The following ERBB3 variants were observed in gnomAD, a reference collection of about 807,000 sequenced individuals.
ERBB3 encodes the protein erb-b2 receptor tyrosine kinase 3.
In ERBB3, 96 loss-of-function variants were observed where a neutral mutation model predicts 156.7. The observed-to-expected ratio is 0.61, with a 90% CI of 0.52 to 0.73. The LOEUF (loss-of-function observed/expected upper bound fraction) is 0.73. Among genes scored for constraint, ERBB3 ranks in the 30% least tolerant of loss-of-function variants. ERBB3 has a pLI of 0.00. For synonymous variants in ERBB3, 567 were observed against 632.0 expected, an observed-to-expected ratio of 0.90 and a Z score of 1.54; for missense variants, 1,406 against 1,709.4, an observed-to-expected ratio of 0.82 and a Z score of 3.13.
chr12:56,098,477 A>T (rs1013119157), intron 21 of ERBB3, 23 bp from the exon 22 acceptor site: 3 of 1,538,830 alleles, frequency 1.9e-6, no homozygotes, highest in Middle Eastern at 1.7e-4. Flanking sequence ...TAAACTTGTG[A>T]TACCTCTATC....
intron 10 of ERBB3, 47 bp downstream of exon 10, chr12:56,092,867 T>C (rs1458438358): frequency 6.4e-7 from 1 of 1,571,182 alleles, no homozygotes. Context: ...GGTGAACCAC[T>C]GGCATAAATT....
chr12:56,082,844 T>G (rs1252549482), intron 1 of ERBB3, among the ~76,000 whole-genome samples: 2 of 152,186 alleles, frequency 1.3e-5, no homozygotes, highest in East Asian at 3.8e-4. Context: ...TTCATGAACC[T>G]CTTCTAACAA....
rs1296350995 is a variant in ERBB3 at position 56,083,898 on chromosome 12, T to C, written c.230T>C (p.Leu77Pro). 1.2e-6 allele frequency: 2 copies of C among 1,614,020 alleles called. No individual in the cohort carries two copies. The highest frequency in any genetic ancestry group is 8.5e-7 in the Non-Finnish European group (1 of 1,179,922). ...LTGHNADLSF[L>P]QWIREVTGYV... ...GGACACAATGCCGACCTCTCCTTCC[T>C]GCAGGTTAGTGAGCCCACCCTCCTT... is the stretch of plus-strand genomic sequence containing the variant. Residue 77 changes from leucine (L) to proline (P), a missense_variant, in exon 2 of 28, where the codon CTG becomes CCG. Physicochemically the swap from Leu to Pro is moderately conservative, Grantham distance 98. Transcript: ENST00000267101.
At chr12:56,080,108 A>T (rs113949839), upstream of ERBB3, 5,426 of 557,124 alleles carry the variant, frequency 9.7e-3, 25 homozygotes, top group Non-Finnish European at 0.012. Context: ...TCTCTCTCTC[A>T]CACACACACA....
At chr12:56,094,224 A>T in intron 14 of ERBB3, 35 bp downstream of exon 14, 1 of 1,562,408 alleles carries the variant, frequency 6.4e-7, no homozygotes. Flanking sequence ...CAAGGGAGAC[A>T]GAGAAGGGGC....
At chr12:56,086,132 A>G (rs528518765) in intron 3 of ERBB3, among the ~76,000 whole-genome samples, 49 of 150,892 alleles carry the variant, frequency 3.2e-4, no homozygotes, top group Non-Finnish European at 5.2e-4. Flanking sequence ...TAGGAATTCT[A>G]CCTTTACTCT....
chr12:56,098,791 G>A lies in ERBB3; in HGVS notation c.2725G>A (p.Ala909Thr), dbSNP rs1868983417. 1.2e-6 allele frequency: 2 copies of A among 1,613,978 alleles called. No homozygotes were observed. Among genetic ancestry groups the A allele is most frequent in the African/African-American group, 1.3e-5 (1 of 74,906 alleles). ...VTVWELMTFG[A>T]EPYAGLRLAE... ...AGTTTGGGAGTTGATGACCTTCGGG[G>A]CAGAGCCCTATGCAGGGCTACGATT... The change falls in exon 23 of 28, where the codon GCA becomes ACA. Residue 909 changes from alanine (A) to threonine (T), a missense_variant. Ala to Thr is a moderately conservative substitution (Grantham distance 58). Coordinates refer to ENST00000267101, the MANE Select transcript of ERBB3 (RefSeq NM_001982.4).
Position 56,088,740 on chromosome 12 carries a change from A to G in ERBB3, c.989-8A>G. 6.2e-7 allele frequency: 1 copy of G among 1,614,090 alleles called. No individual in the cohort carries two copies. Among genetic ancestry groups the G allele is most frequent in the Middle Eastern group, 1.6e-4 (1 of 6,062 alleles). ...ACCACCCCCACTGAACCTCTCTTAC[A>G]TTTGCAGCCTGTGAGGGAACAGGCT... On this transcript the variant is annotated splice_region_variant and splice_polypyrimidine_tract_variant and intron_variant, in intron 8 of 27. Transcript: ENST00000267101.
chr12:56,091,550 A>T (rs1264952890), intron 9 of ERBB3, among the ~76,000 whole-genome samples: 1 of 150,548 alleles, frequency 6.6e-6, no homozygotes, highest in East Asian at 2.0e-4. Context: ...GTTGTCCAGG[A>T]TGGTCTCGAA....
At position 56,094,117 on chromosome 12, in the gene ERBB3, C is replaced by G; in HGVS notation, c.1632C>G (p.Ala544=). The G allele has an allele frequency of 6.2e-7, 1 of 1,614,076 alleles. No individual in the cohort carries two copies. The highest frequency in any genetic ancestry group is 1.1e-5 in the South Asian group (1 of 91,082). ...ACTACAGGGAGCCTCGAGAATTTGCCCATGAGGCCGAATGCTTCTCCTGCC... is the reference window on the plus strand; with the variant it reads ...ACTACAGGGAGCCTCGAGAATTTGCGCATGAGGCCGAATGCTTCTCCTGCC... ...NFLNGEPREF[A]HEAECFSCHP... The change falls in exon 14 of 28, where the codon GCC becomes GCG. Residue 544 remains alanine (A), a synonymous_variant. Transcript: ENST00000267101.
chr12:56,098,036 T>C (rs992174329), intron 21 of ERBB3, 96 bp downstream of exon 21: 2 of 1,269,016 alleles, frequency 1.6e-6, no homozygotes, highest in African/African-American at 1.5e-5. Flanking sequence ...AGATGCTTCA[T>C]GGTAAGTTCA....
chr12:56,084,661 C>T (rs1868414466), intron 2 of ERBB3, among the ~76,000 whole-genome samples: 1 of 149,098 alleles, frequency 6.7e-6, no homozygotes, highest in Non-Finnish European at 1.5e-5. Context: ...CCAGCCTGAC[C>T]AACATGGAAA....
rs1257977434 is a variant in ERBB3 at position 56,091,295 on chromosome 12, T to TAA, written c.1110-1450_1110-1449dup. Among the ~76,000 whole-genome samples, 12 of 63,718 alleles carry TAA rather than the reference T, an allele frequency of 1.9e-4. 1 individual carries two copies. The highest frequency in any genetic ancestry group is 1.7e-3 in the Admixed American group (9 of 5,210). The allele number at this position is 63,718 out of a possible 152,430, so 41.8% of individuals were successfully genotyped here. On this transcript the variant is annotated intron_variant, in intron 9 of 27. Coordinates refer to ENST00000267101, the MANE Select transcript of ERBB3 (RefSeq NM_001982.4). ...ATATATATATATATATATATATATA[T>TAA]AAATAATATATATAAATATAAATAT...
rs1377374701 is a variant in ERBB3 at position 56,095,786 on chromosome 12, C to A, written c.2035C>A (p.Arg679=). The A allele has an allele frequency of 6.2e-7, 1 of 1,613,992 alleles. No homozygotes were observed. Among genetic ancestry groups the A allele is most frequent in the South Asian group, 1.1e-5 (1 of 91,082 alleles). ...GATTCAGAATAAAAGGGCTATGAGG[C>A]GATACTTGGAACGGGGTGAGGTGAG... ...RRIQNKRAMR[R]YLERGESIEP... The change falls in exon 17 of 28, where the codon CGA becomes AGA. Residue 679 remains arginine (R), a synonymous_variant. Transcript: ENST00000267101.
rs1308874236 is a variant in ERBB3 at position 56,102,831 on chromosome 12, A to AAAC, written c.*778_*779insCAA. 9.3e-6 allele frequency: 2 copies of AAAC among 215,572 alleles called. No individual in the cohort carries two copies. The highest frequency in any genetic ancestry group is 1.9e-5 in the Non-Finnish European group (2 of 107,656). 13.4% of individuals were successfully genotyped at this position (215,572 alleles called of 1,614,324 possible). ...TAAAAAAAAAAAAAAAAAAAAAAAA[A>AAAC]AAACTTTAGAACTGGGTGCAGTGGC... On this transcript the variant is annotated 3_prime_UTR_variant, in exon 28 of 28. Transcript: ENST00000267101.
intron 23 of ERBB3, 50 bp downstream of exon 23, chr12:56,098,955 C>CTTTTTTT (rs372817506): frequency 3.9e-6 from 5 of 1,271,402 alleles, no homozygotes; most frequent in Admixed American, 2.4e-5. Flanking sequence ...CTTTTTTTTT[C>CTTTTTTT]TTTTTTTTTT....
In ERBB3 at chr12:56,087,822, G is replaced by GTAA; in HGVS notation, c.643_645dup (p.Asn215dup). The GTAA allele has an allele frequency of 6.2e-7, 1 of 1,614,104 alleles. No homozygotes were observed. Among genetic ancestry groups the GTAA allele is most frequent in the East Asian group, 2.2e-5 (1 of 44,886 alleles). On this transcript the variant is annotated inframe_insertion, in exon 6 of 28. Transcript: ENST00000267101. ...ACCAAGACCATCTGTGCTCCTCAGTGTAATGGTCACTGCTTTGGGCCCAAC... is the reference window on the plus strand; with the variant it reads ...ACCAAGACCATCTGTGCTCCTCAGTGTAATAATGGTCACTGCTTTGGGCCCAAC...
intron 3 of ERBB3, 115 bp downstream of exon 3, chr12:56,085,296 C>CCT: frequency 6.3e-7 from 1 of 1,589,702 alleles, no homozygotes; most frequent in Non-Finnish European, 8.6e-7. Flanking sequence ...GTGCCTGTCA[C>CCT]CTTGGCCGCT....
At chr12:56,082,364 T>C (rs547018168) in intron 1 of ERBB3, among the ~76,000 whole-genome samples, 1 of 152,182 alleles carries the variant, frequency 6.6e-6, no homozygotes, top group East Asian at 1.9e-4. Flanking sequence ...GTGGGGCTGT[T>C]CCAGAAATGA....
Sources: gnomAD v4.1 joint callset for allele counts (sites outside exome capture counted in the v4.1 genomes callset) on GRCh38, gnomAD v4.1.1 for gene constraint, MANE v1.5 for transcripts, NCBI Gene and HGNC (gene_info 2026-07-23, HGNC 2026-07-21) for gene names.